The following PPL variants were observed in gnomAD, a reference collection of about 807,000 sequenced individuals.
The protein encoded by PPL is periplakin.
A neutral mutation model predicts 194.4 loss-of-function variants in PPL; 198 were observed. The observed-to-expected ratio is 1.02, with a 90% CI of 0.91 to 1.15. PPL has a LOEUF of 1.15. PPL is among the 50% of genes most tolerant of loss of function. The probability of loss-of-function intolerance (pLI) is 0.00; values close to 1 mark genes in which losing one functional copy is unlikely to be tolerated. For missense variants in PPL, 2,885 were observed against 2,294.8 expected, an observed-to-expected ratio of 1.26 and a Z score of -5.25; for synonymous variants, 1,220 against 972.4, an observed-to-expected ratio of 1.25 and a Z score of -4.74.
In PPL at chr16:4,899,043, C is replaced by T. The variant is rs556369187; in HGVS notation, c.846G>A (p.Ala282=). 81 of 1,611,744 alleles carry T rather than the reference C, an allele frequency of 5.0e-5. No homozygotes were observed. Among genetic ancestry groups the T allele is most frequent in the African/African-American group, 8.0e-5 (6 of 74,980 alleles). Residue 282 remains alanine, a synonymous_variant, in exon 8 of 22, where the codon GCG becomes GCA. Transcript: ENST00000345988. ...TGGAGTTCCTCCCGGGGTGCTCGGC[C>T]GCCAGCAGCTGGTCGCCCTCGCTGT... ...KLHSEGDQLL[A]AEHPGRNSIE...
intron 2 of PPL, among the ~76,000 whole-genome samples, chr16:4,910,632 G>C (rs1050192711): frequency 2.0e-5 from 3 of 152,166 alleles, no homozygotes; most frequent in African/African-American, 7.2e-5. Context: ...CTGCCCTACA[G>C]TGCACGGTAG....
Position 4,924,885 on chromosome 16 carries a change from G to A in PPL, c.62+12099C>T, listed in dbSNP as rs577151283. Among the ~76,000 whole-genome samples the A allele has an allele frequency of 6.6e-5, 10 of 152,312 alleles. No homozygotes were observed. The South Asian group carries it at 1.4e-3, about 22-fold the overall frequency. ...ACTTTAGCAACATCGGAGGGGCCAC[G>A]TTCCTGCCATCACCTCCACCCCAGC... is the stretch of plus-strand genomic sequence containing the variant. On this transcript the variant is annotated intron_variant, in intron 1 of 21. Coordinates refer to ENST00000345988, the MANE Select transcript of PPL (RefSeq NM_002705.5).
At chr16:4,892,683 A>G (rs1243077435) in intron 14 of PPL, 3 of 162,736 alleles carry the variant, frequency 1.8e-5, no homozygotes, top group East Asian at 1.8e-4. Context: ...CACTTCTCCA[A>G]TCCCAGATCC....
At chr16:4,912,283 T>C (rs1454061469) in intron 1 of PPL, among the ~76,000 whole-genome samples, 1 of 152,254 alleles carries the variant, frequency 6.6e-6, no homozygotes, top group African/African-American at 2.4e-5. Flanking sequence ...TCTGGACATT[T>C]CATATAAATA....
At chr16:4,893,852 A>G (rs1041015391) in intron 12 of PPL, 2 of 572,902 alleles carry the variant, frequency 3.5e-6, no homozygotes, top group Non-Finnish European at 6.2e-6. Context: ...AGGAAGTCTC[A>G]CTACCTAAAA....
intron 1 of PPL, among the ~76,000 whole-genome samples, chr16:4,921,065 C>T (rs756994123): frequency 6.6e-6 from 1 of 152,212 alleles, no homozygotes; most frequent in Non-Finnish European, 1.5e-5. Flanking sequence ...CTCTACGAGT[C>T]ACCTCGAGTC....
At chr16:4,918,772 G>A (rs767626109) in intron 1 of PPL, among the ~76,000 whole-genome samples, 4 of 152,176 alleles carry the variant, frequency 2.6e-5, no homozygotes, top group Admixed American at 6.5e-5. Context: ...CCAGCTGGCC[G>A]CAGGAATCAA....
At position 4,904,019 on chromosome 16, in the gene PPL, C is replaced by G. The variant is rs781072150; in HGVS notation, c.184G>C (p.Gly62Arg). Residue 62 changes from glycine to arginine, a missense_variant, in exon 3 of 22, where the codon GGT (glycine) becomes CGT (arginine). By Grantham distance (125) the Gly-to-Arg change is moderately radical (BLOSUM62 -2). Transcript: ENST00000345988. ...ACGTCCCGGTGCTCAGGCTGCCGAC[C>G]CTCCTGCAGCCGAGCCAGGTCCTGT... ...MQSDLARLQEGRQPEHRDVTL... is the reference protein window; with the variant it reads ...MQSDLARLQERRQPEHRDVTL... 15 of 1,612,284 alleles carry G rather than the reference C, an allele frequency of 9.3e-6. No homozygotes were observed. In the East Asian group the frequency reaches 3.1e-4, roughly 34 times the overall value.
chr16:4,904,011 C>G lies in PPL; in HGVS notation c.192G>C (p.Gln64His), dbSNP rs1301805909. Residue 64 changes from glutamine to histidine, a missense_variant, in exon 3 of 22, where the codon CAG becomes CAC. By Grantham distance (24) the Gln-to-His change is conservative. Transcript: ENST00000345988. Reference sequence around the variant, plus strand: ...GCAGGGTCACGTCCCGGTGCTCAGGCTGCCGACCCTCCTGCAGCCGAGCCA... The same window carrying G: ...GCAGGGTCACGTCCCGGTGCTCAGGGTGCCGACCCTCCTGCAGCCGAGCCA... ...SDLARLQEGR[Q>H]PEHRDVTLQK... 6.2e-7 allele frequency: 1 copy of G among 1,612,812 alleles called. No homozygotes were observed. Among genetic ancestry groups the G allele is most frequent in the Non-Finnish European group, 8.5e-7 (1 of 1,179,958 alleles).
chr16:4,885,768 T>G lies in PPL; in HGVS notation c.2887A>C (p.Lys963Gln). The G allele has an allele frequency of 6.2e-7, 1 of 1,611,756 alleles. No homozygotes were observed. Among genetic ancestry groups the G allele is most frequent in the Non-Finnish European group, 8.5e-7 (1 of 1,179,956 alleles). ...AGCTCCTCCTGCAGCAGCTGGTTCT[T>G]GTGCTGCTCCTCTGCCAGCGTCCGC... ...LQRTLAEEQHKNQLLQEELEA... is the reference protein window; with the variant it reads ...LQRTLAEEQHQNQLLQEELEA... The change falls in exon 22 of 22, where the codon AAG (lysine) becomes CAG (glutamine). Residue 963 changes from lysine to glutamine, a missense_variant. Transcript: ENST00000345988. The surrounding 1 kb of genome is among the most constrained non-coding windows in gnomAD (Gnocchi z 6.3).
Position 4,885,135 on chromosome 16 carries a change from C to A in PPL, c.3520G>T (p.Val1174Leu). 1 of 1,614,086 alleles carries A rather than the reference C, an allele frequency of 6.2e-7. No homozygotes were observed. The change falls in exon 22 of 22, where the codon GTG becomes TTG. Residue 1174 changes from valine to leucine, a missense_variant. Coordinates refer to ENST00000345988, the MANE Select transcript of PPL (RefSeq NM_002705.5). This position sits in a 1 kb window ranked among gnomAD's most constrained non-coding sequence, Gnocchi z 6.3. ...GGGTCTGGCCGCACGATCTCCCGCACCTTCTCCTGCACCACCACTTTGGCG... is the reference window on the plus strand; with the variant it reads ...GGGTCTGGCCGCACGATCTCCCGCAACTTCTCCTGCACCACCACTTTGGCG... Reference protein sequence around the residue: ...ENAKVVVQEKVREIVRPDPKA... With the variant: ...ENAKVVVQEKLREIVRPDPKA...
At chr16:4,924,632 G>C (rs1036290758) in intron 1 of PPL, among the ~76,000 whole-genome samples, 3 of 152,142 alleles carry the variant, frequency 2.0e-5, no homozygotes, top group Admixed American at 6.5e-5. Flanking sequence ...TCCCTCCCTG[G>C]CTGCCTGACT....
chr16:4,904,514 G>A (rs1011568933), intron 2 of PPL, among the ~76,000 whole-genome samples: 4 of 152,150 alleles, frequency 2.6e-5, no homozygotes, highest in African/African-American at 7.2e-5. Flanking sequence ...CAGCTCTGGT[G>A]GTCAGGGAAG....
In PPL at chr16:4,910,959, G is replaced by C. The variant is rs2088808457; in HGVS notation, c.63-10C>G. The C allele has an allele frequency of 3.7e-6, 6 of 1,609,180 alleles. No homozygotes were observed. The highest frequency in any genetic ancestry group is 5.1e-6 in the Non-Finnish European group (6 of 1,178,874). ...CTCCTTGTTAGAGATGCTGCGGGCAGAAGCCGAGGGGAGATGGGCGGGGTG... is the reference window on the plus strand; with the variant it reads ...CTCCTTGTTAGAGATGCTGCGGGCACAAGCCGAGGGGAGATGGGCGGGGTG... On this transcript the variant is annotated splice_polypyrimidine_tract_variant and intron_variant, in intron 1 of 21. Transcript: ENST00000345988.
At chr16:4,914,464 G>A (rs568586782) in intron 1 of PPL, among the ~76,000 whole-genome samples, 3 of 152,300 alleles carry the variant, frequency 2.0e-5, no homozygotes, top group Admixed American at 1.3e-4. Flanking sequence ...CCAACATGCT[G>A]GGGATCCATC....
rs575701726 is a variant in PPL, at chr16:4,930,362, G to A, written c.62+6622C>T. ...CAGGAGGTGACTGGATGGGGACAGG[G>A]CAGGGGGCAGCCTGCTCAGGCCTCG... is the stretch of plus-strand genomic sequence containing the variant. On this transcript the variant is annotated intron_variant, in intron 1 of 21. Coordinates refer to ENST00000345988, the MANE Select transcript of PPL (RefSeq NM_002705.5). 3.2e-4 allele frequency among the ~76,000 whole-genome samples: 49 copies of A among 152,308 alleles called. No individual in the cohort carries two copies. The South Asian group carries it at 9.3e-3, about 29-fold the overall frequency.
rs367794477 is a variant in PPL at position 4,884,324 on chromosome 16, G to A, written c.4331C>T (p.Thr1444Met). 85 of 1,613,004 alleles carry A rather than the reference G, an allele frequency of 5.3e-5. No homozygotes were observed. The highest frequency in any genetic ancestry group is 1.4e-4 in the South Asian group (13 of 91,070). The stretch of plus-strand genomic sequence containing the variant: ...GTCCTGCTGCAGCACCACCTTCTGC[G>A]TATGGGTTACCTTCTCACGGGCCTC... Reference protein sequence around the residue: ...EAEAREKVTHTQKVVLQQDPQ... With the variant: ...EAEAREKVTHMQKVVLQQDPQ... The change falls in exon 22 of 22, where the codon ACG (threonine) becomes ATG (methionine). Residue 1444 changes from threonine (T) to methionine (M), a missense_variant. Physicochemically the swap from Thr to Met is moderately conservative, Grantham distance 81. Transcript: ENST00000345988. This position sits in a 1 kb window ranked among gnomAD's most constrained non-coding sequence, Gnocchi z 5.7.
At chr16:4,924,272 CATT>C (rs1218983917) in intron 1 of PPL, among the ~76,000 whole-genome samples, 13 of 152,282 alleles carry the variant, frequency 8.5e-5, no homozygotes, top group Admixed American at 5.9e-4. Flanking sequence ...GTCAACAGAA[CATT>C]ATTAACGGAT....
At chr16:4,892,430 T>A (rs933132255) in intron 14 of PPL, among the ~76,000 whole-genome samples, 3 of 152,186 alleles carry the variant, frequency 2.0e-5, no homozygotes, top group Non-Finnish European at 4.4e-5. Flanking sequence ...AATGGACTAG[T>A]GACACCAGAA....
Sources: gnomAD v4.1 joint callset for allele counts (sites outside exome capture counted in the v4.1 genomes callset) on GRCh38, gnomAD v4.1.1 for gene constraint, Gnocchi (gnomAD v3.1) non-coding constraint, MANE v1.5 for transcripts, NCBI Gene and HGNC (gene_info 2026-07-23, HGNC 2026-07-21) for gene names.